CDK14: variants seen among roughly 807,000 people sequenced by gnomAD.
CDK14 encodes cyclin-dependent kinase 14.
A neutral mutation model predicts 60.7 loss-of-function variants in CDK14; 34 were observed. The observed-to-expected ratio is 0.56, with a 90% CI of 0.43 to 0.75. CDK14 has a LOEUF of 0.75. Among genes scored for constraint, CDK14 ranks in the 30% least tolerant of loss-of-function variants. The pLI, the probability that CDK14 is intolerant of heterozygous loss-of-function variation, is 0.00. For missense variants in CDK14, 482 were observed against 564.1 expected (o/e 0.85, Z 1.47); for synonymous variants, 197 against 203.7 (o/e 0.97, Z 0.28).
intron 6 of CDK14, among the ~76,000 whole-genome samples, chr7:90,866,228 A>G (rs908343159): frequency 3.6e-5 from 4 of 109,752 alleles, no homozygotes; most frequent in Non-Finnish European, 5.5e-5. Context: ...ACACACACAT[A>G]CACATACACA....
chr7:90,819,167 A>G (rs1450396205), intron 5 of CDK14, among the ~76,000 whole-genome samples: 3 of 152,160 alleles, frequency 2.0e-5, no homozygotes, highest in East Asian at 3.8e-4. Context: ...GGCCTTTTCT[A>G]TTTCAGAGAT....
intron 4 of CDK14, among the ~76,000 whole-genome samples, chr7:90,759,252 C>T (rs1394317682): frequency 6.6e-6 from 1 of 152,072 alleles, no homozygotes; most frequent in Non-Finnish European, 1.5e-5. Context: ...TTTGTGGAAT[C>T]CTTGGCACTG....
intron 14 of CDK14, among the ~76,000 whole-genome samples, chr7:91,148,151 G>T (rs1800714116): frequency 6.6e-6 from 1 of 152,100 alleles, no homozygotes; most frequent in Admixed American, 6.6e-5. Flanking sequence ...AAGGCAGGAG[G>T]ATCACACCTT....
intron 10 of CDK14, among the ~76,000 whole-genome samples, chr7:91,001,440 A>C (rs1037604283): frequency 6.6e-6 from 1 of 152,218 alleles, no homozygotes; most frequent in Non-Finnish European, 1.5e-5. Flanking sequence ...AGAAAGAAGA[A>C]AGCAAATGAA....
At position 91,209,073 on chromosome 7, in the gene CDK14, T is replaced by A. The variant is rs1802984950; in HGVS notation, c.*1937T>A. Reference sequence around the variant, plus strand: ...CAATTAAAAATGGACTTTCCTGTGATTTGTTTTTAATCATTCATTTGGAGA... The same window carrying A: ...CAATTAAAAATGGACTTTCCTGTGAATTGTTTTTAATCATTCATTTGGAGA... On this transcript the variant is annotated 3_prime_UTR_variant, in exon 15 of 15. Coordinates refer to ENST00000380050, the MANE Select transcript of CDK14 (RefSeq NM_001287135.2). 6.6e-6 allele frequency: 1 copy of A among 152,606 alleles called. No individual in the cohort carries two copies. Among genetic ancestry groups the A allele is most frequent in the African/African-American group, 2.4e-5 (1 of 41,454 alleles). The allele number at this position is 152,606 out of a possible 1,614,324, so 9.5% of individuals were successfully genotyped here.
intron 3 of CDK14, among the ~76,000 whole-genome samples, chr7:90,736,350 G>GTTTTTT (rs869290471): frequency 1.1e-3 from 55 of 50,190 alleles, no homozygotes; most frequent in South Asian, 1.7e-3. Context: ...TTATGTTTTT[G>GTTTTTT]TTTTTTTTTT....
At chr7:90,942,347 C>T (rs1186883485) in intron 8 of CDK14, among the ~76,000 whole-genome samples, 1 of 152,136 alleles carries the variant, frequency 6.6e-6, no homozygotes, top group Non-Finnish European at 1.5e-5. Flanking sequence ...AACGTTTATA[C>T]AAGACAGAGC....
At chr7:91,012,270 T>C (rs1400128828) in intron 10 of CDK14, among the ~76,000 whole-genome samples, 3 of 152,196 alleles carry the variant, frequency 2.0e-5, no homozygotes, top group Non-Finnish European at 2.9e-5. Flanking sequence ...ATAGGCACCA[T>C]TGTCATCCCT....
intron 12 of CDK14, among the ~76,000 whole-genome samples, chr7:91,086,681 G>GTA (rs1406603030): frequency 2.6e-5 from 4 of 151,682 alleles, no homozygotes; most frequent in African/African-American, 9.7e-5. Context: ...GTGTGTGTGT[G>GTA]TGTATATATC....
chr7:91,038,852 A>G (rs778422490), intron 10 of CDK14, among the ~76,000 whole-genome samples: 8 of 152,202 alleles, frequency 5.3e-5, no homozygotes, highest in African/African-American at 2.4e-5. Flanking sequence ...GCCACCATCC[A>G]TATAAGATGT....
At chr7:90,778,548 C>G (rs1805149251) in intron 4 of CDK14, among the ~76,000 whole-genome samples, 1 of 152,264 alleles carries the variant, frequency 6.6e-6, no homozygotes, top group South Asian at 2.1e-4. Flanking sequence ...CATGCTGTTA[C>G]CCTTCTTAAG....
chr7:91,125,804 T>G (rs1195600036), intron 14 of CDK14, among the ~76,000 whole-genome samples: 1 of 152,160 alleles, frequency 6.6e-6, no homozygotes, highest in Non-Finnish European at 1.5e-5. Context: ...TTTTTTACCT[T>G]TAAATTATCA....
In CDK14 at chr7:91,209,330, CA is replaced by C. The variant is rs995843264; in HGVS notation, c.*2195del. 2 of 152,194 alleles carry C rather than the reference CA, an allele frequency of 1.3e-5. No homozygotes were observed. Among genetic ancestry groups the C allele is most frequent in the African/African-American group, 4.8e-5 (2 of 41,438 alleles). The allele number at this position is 152,194 out of a possible 1,614,324, so 9.4% of individuals were successfully genotyped here. ...TGTTTTGTTACAGAGACATGCCTCT[CA>C]GAAGGTCAGGAGGTTTTGAGTACCT... On this transcript the variant is annotated 3_prime_UTR_variant, in exon 15 of 15. Coordinates refer to ENST00000380050, the MANE Select transcript of CDK14 (RefSeq NM_001287135.2).
chr7:90,780,897 T>C (rs1255546460), intron 4 of CDK14, among the ~76,000 whole-genome samples: 2 of 152,076 alleles, frequency 1.3e-5, no homozygotes, highest in Admixed American at 1.3e-4. Context: ...GCATGATTTA[T>C]AATCCTTTGG....
chr7:90,647,256 C>T (rs1405045723), intron 2 of CDK14, among the ~76,000 whole-genome samples: 1 of 152,094 alleles, frequency 6.6e-6, no homozygotes, highest in East Asian at 1.9e-4. Flanking sequence ...ACCTTGAAGA[C>T]GATCTAGTCC....
intron 2 of CDK14, among the ~76,000 whole-genome samples, chr7:90,633,953 T>C (rs913675680): frequency 6.6e-6 from 1 of 152,192 alleles, no homozygotes; most frequent in Non-Finnish European, 1.5e-5. Flanking sequence ...TAAAATATTT[T>C]AAAAGATGTT....
intron 5 of CDK14, among the ~76,000 whole-genome samples, chr7:90,851,249 A>G (rs922048481): frequency 1.9e-4 from 29 of 152,276 alleles, no homozygotes; most frequent in African/African-American, 5.5e-4. Context: ...GAGTTTTACA[A>G]TTCTGTGAGG....
intron 9 of CDK14, among the ~76,000 whole-genome samples, chr7:90,978,483 T>A (rs569856997): frequency 6.6e-6 from 1 of 152,254 alleles, no homozygotes; most frequent in South Asian, 2.1e-4. Flanking sequence ...TAAAATTAAA[T>A]TTAATAGGTA....
At chr7:90,876,804 T>C (rs936276138) in intron 6 of CDK14, among the ~76,000 whole-genome samples, 4 of 152,248 alleles carry the variant, frequency 2.6e-5, no homozygotes, top group African/African-American at 9.6e-5. Context: ...TGTAAACCAA[T>C]GTATAATTAG....
Sources: allele counts gnomAD v4.1 joint callset (sites outside exome capture counted in the v4.1 genomes callset), GRCh38; gene constraint gnomAD v4.1.1; transcripts MANE v1.5; gene names NCBI Gene and HGNC (gene_info 2026-07-23, HGNC 2026-07-21).